The following CHD5 variants were observed in gnomAD, a reference collection of about 807,000 sequenced individuals.
The protein encoded by CHD5 is chromodomain helicase DNA binding protein 5.
In CHD5, 69 loss-of-function variants were observed where a neutral mutation model predicts 230.3. The ratio of observed to expected loss-of-function variants is 0.30; its 90% confidence interval spans 0.25 to 0.37. The LOEUF (loss-of-function observed/expected upper bound fraction) is 0.37, where lower values mean the gene tolerates loss of function less well. Among genes scored for constraint, CHD5 ranks in the 10% least tolerant of loss-of-function variants. The pLI is 1.00. For synonymous variants in CHD5, 1,064 were observed against 1,065.9 expected (o/e 1.00, Z 0.03); for missense variants, 1,827 against 2,622.8 (o/e 0.70, Z 6.63).
In CHD5 at chr1:6,136,734, C is replaced by G. The variant is rs1666752195; in HGVS notation, c.2568G>C (p.Gln856His). The G allele has an allele frequency of 6.2e-7, 1 of 1,611,978 alleles. No individual in the cohort carries two copies. The highest frequency in any genetic ancestry group is 8.5e-7 in the Non-Finnish European group (1 of 1,178,638). The change falls in exon 16 of 42, where the codon CAG becomes CAC. Residue 856 changes from glutamine (Q) to histidine (H), a missense_variant. Coordinates refer to ENST00000262450, the MANE Select transcript of CHD5 (RefSeq NM_015557.3). Reference sequence around the variant, plus strand: ...GGCGGCCAGCGCCACCTACCTTGGACTGGTTGTTCTTGAGGCGGTGGGCCT... The same window carrying G: ...GGCGGCCAGCGCCACCTACCTTGGAGTGGTTGTTCTTGAGGCGGTGGGCCT... ...VDEAHRLKNN[Q>H]SKFFRVLNSY...
intron 1 of CHD5, among the ~76,000 whole-genome samples, chr1:6,173,228 C>A (rs2100886970): frequency 6.6e-6 from 1 of 151,980 alleles, no homozygotes; most frequent in African/African-American, 2.4e-5. Flanking sequence ...CCTCAGCCTC[C>A]CAAGTAGCTG....
chr1:6,107,793 TGAAGGGATGATGGAGG>T (rs1457365559), intron 38 of CHD5, among the ~76,000 whole-genome samples: 11 of 78,200 alleles, frequency 1.4e-4, no homozygotes, highest in East Asian at 1.1e-3. Context: ...GATGGAAGAA[TGAAGGGATGATGGAGG>T]AATAATGGAG....
Position 6,146,597 on chromosome 1 carries a change from C to G in CHD5, c.1590+68G>C, listed in dbSNP as rs554216199. The G allele has an allele frequency of 4.5e-6, 7 of 1,544,644 alleles. No individual in the cohort carries two copies. In the South Asian group the frequency reaches 7.8e-5, roughly 17 times the overall value. On this transcript the variant is annotated intron_variant, in intron 10 of 41. Coordinates refer to ENST00000262450, the MANE Select transcript of CHD5 (RefSeq NM_015557.3). The surrounding 1 kb of genome is among the most constrained non-coding windows in gnomAD (Gnocchi z 5.1). ...TCAGAGGCGCTTCAGCCCCTTCCCGCCAGCCCAGGAGGGTCCAGGGCTCAC... is the reference window on the plus strand; with the variant it reads ...TCAGAGGCGCTTCAGCCCCTTCCCGGCAGCCCAGGAGGGTCCAGGGCTCAC...
chr1:6,156,467 C>T lies in CHD5; in HGVS notation c.388-750G>A, dbSNP rs544281523. Among the ~76,000 whole-genome samples, 162 of 145,700 alleles carry T rather than the reference C, an allele frequency of 1.1e-3. 7 individuals are homozygous for T. In the South Asian group the frequency reaches 0.032, roughly 29 times the overall value. ...AGGAGAATCACTTGAACTCGGGAGACGGAGGTTGCAGTGAGCCGAGATGGC... is the reference window on the plus strand; with the variant it reads ...AGGAGAATCACTTGAACTCGGGAGATGGAGGTTGCAGTGAGCCGAGATGGC... On this transcript the variant is annotated intron_variant, in intron 3 of 41. Transcript: ENST00000262450.
intron 9 of CHD5, among the ~76,000 whole-genome samples, chr1:6,147,993 G>GCC (rs1557553278): frequency 6.6e-6 from 1 of 151,744 alleles, no homozygotes; most frequent in East Asian, 1.9e-4. Flanking sequence ...CCCCACTCCT[G>GCC]CCCCCCTCCC....
rs1030853603 is a variant in CHD5, at chr1:6,104,878, G to A, written c.*596C>T. 7.0e-5 allele frequency: 11 copies of A among 156,382 alleles called. No homozygotes were observed. The highest frequency in any genetic ancestry group is 2.2e-4 in the African/African-American group (9 of 41,498). 9.7% of individuals were successfully genotyped at this position (156,382 alleles called of 1,614,324 possible). ...GACAGCGGCTCCCCAAACCTGCCCT[G>A]TCTGGTGCTGGGAGGCTCCAAGCGG... On this transcript the variant is annotated 3_prime_UTR_variant, in exon 42 of 42. Transcript: ENST00000262450.
intron 13 of CHD5, among the ~76,000 whole-genome samples, chr1:6,143,431 T>C (rs111955433): frequency 1.1e-4 from 16 of 152,108 alleles, no homozygotes; most frequent in African/African-American, 2.4e-4. Context: ...AGGCGCCTGA[T>C]AGTCCCAGGC....
At chr1:6,138,114 G>A (rs897630973) in intron 15 of CHD5, among the ~76,000 whole-genome samples, 4 of 152,176 alleles carry the variant, frequency 2.6e-5, no homozygotes, top group Admixed American at 2.0e-4. Context: ...AGTGGCTCCC[G>A]CCTATAATCC....
chr1:6,175,306 AATGG>A (rs2100889571), intron 1 of CHD5, among the ~76,000 whole-genome samples: 3 of 124,492 alleles, frequency 2.4e-5, no homozygotes, highest in East Asian at 2.8e-4. Context: ...TGGATGAATG[AATGG>A]ATGGTGGATG....
At chr1:6,111,701 C>T in intron 36 of CHD5, 74 bp downstream of exon 36, 1 of 1,153,644 alleles carries the variant, frequency 8.7e-7, no homozygotes, top group Non-Finnish European at 1.3e-6. Flanking sequence ...TCCCCCGGAG[C>T]TCTCAGAGGG....
In CHD5 at chr1:6,128,071, T is replaced by C; in HGVS notation, c.3878A>G (p.Tyr1293Cys). ...EYLSSFKVAQ[Y>C]VVREEDGVEE... is the part of the protein sequence containing the mutation. ...CACGCCGTCCTCCTCGCGCACCACG[T>C]ACTGCGCCACCTTGAAGGAGCTCAG... The change falls in exon 25 of 42, where the codon TAC becomes TGC. Residue 1293 changes from tyrosine (Y) to cysteine (C), a missense_variant. By Grantham distance (194) the Tyr-to-Cys change is radical. Coordinates refer to ENST00000262450, the MANE Select transcript of CHD5 (RefSeq NM_015557.3). The surrounding 1 kb of genome is among the most constrained non-coding windows in gnomAD (Gnocchi z 7.8). 1 of 1,612,410 alleles carries C rather than the reference T, an allele frequency of 6.2e-7. No homozygotes were observed. Among genetic ancestry groups the C allele is most frequent in the Non-Finnish European group, 8.5e-7 (1 of 1,179,412 alleles).
chr1:6,155,981 C>T lies in CHD5; in HGVS notation c.388-264G>A, dbSNP rs1317087969. Among the ~76,000 whole-genome samples, 1 of 152,188 alleles carries T rather than the reference C, an allele frequency of 6.6e-6. No homozygotes were observed. The highest frequency in any genetic ancestry group is 1.5e-5 in the Non-Finnish European group (1 of 68,040). On this transcript the variant is annotated intron_variant, in intron 3 of 41. Coordinates refer to ENST00000262450, the MANE Select transcript of CHD5 (RefSeq NM_015557.3). The surrounding 1 kb of genome is among the most constrained non-coding windows in gnomAD (Gnocchi z 4.0). ...TTCGACGTCAGGGTTTGGGGAGAGGCCATGTGTGTGCCCTGAACTTCCAGA... is the reference window on the plus strand; with the variant it reads ...TTCGACGTCAGGGTTTGGGGAGAGGTCATGTGTGTGCCCTGAACTTCCAGA...
chr1:6,175,883 T>C (rs1667419825), intron 1 of CHD5, among the ~76,000 whole-genome samples: 1 of 151,500 alleles, frequency 6.6e-6, no homozygotes, highest in South Asian at 2.1e-4. Context: ...CATGGATGAA[T>C]AGTGGATAGG....
Position 6,146,114 on chromosome 1 carries a change from G to T in CHD5, c.1802+98C>A. On this transcript the variant is annotated intron_variant, in intron 11 of 41. Coordinates refer to ENST00000262450, the MANE Select transcript of CHD5 (RefSeq NM_015557.3). This position sits in a 1 kb window ranked among gnomAD's most constrained non-coding sequence, Gnocchi z 5.1. Reference sequence around the variant, plus strand: ...GTTCTGCACGGCAGCCCCAAAGCAAGGGCCCTGGCACCCTGCGCTGCACCC... The same window carrying T: ...GTTCTGCACGGCAGCCCCAAAGCAATGGCCCTGGCACCCTGCGCTGCACCC... 5 of 1,214,798 alleles carry T rather than the reference G, an allele frequency of 4.1e-6. No individual in the cohort carries two copies. Among genetic ancestry groups the T allele is most frequent in the Non-Finnish European group, 5.8e-6 (5 of 855,412 alleles). The allele number at this position is 1,214,798 out of a possible 1,614,324, so 75.3% of individuals were successfully genotyped here. A position where few individuals can be genotyped will look rare whatever the true frequency, so the allele number is the denominator to read the frequency against.
chr1:6,134,585 C>T lies in CHD5; in HGVS notation c.3012+133G>A. ...CTTCCATGATGGCCAGGGAAACCTA[C>T]CATGACAGCCACAGAAATCGCCACA... On this transcript the variant is annotated intron_variant, in intron 19 of 41. Coordinates refer to ENST00000262450, the MANE Select transcript of CHD5 (RefSeq NM_015557.3). The surrounding 1 kb of genome is among the most constrained non-coding windows in gnomAD (Gnocchi z 6.3). 1 of 1,022,198 alleles carries T rather than the reference C, an allele frequency of 9.8e-7. No homozygotes were observed. Among genetic ancestry groups the T allele is most frequent in the South Asian group, 1.4e-5 (1 of 69,140 alleles). The allele number at this position is 1,022,198 out of a possible 1,614,324, so 63.3% of individuals were successfully genotyped here. A position where few individuals can be genotyped will look rare whatever the true frequency, so the allele number is the denominator to read the frequency against.
rs148884873 is a variant in CHD5 at position 6,148,424 on chromosome 1, C to A, written c.1383+430G>T. On this transcript the variant is annotated intron_variant, in intron 9 of 41. Transcript: ENST00000262450. ...CCTGAATTTGAGTGGATAGTTCTGCCCTTGTGTGGCCTTAGGCAGGTCACT... is the reference window on the plus strand; with the variant it reads ...CCTGAATTTGAGTGGATAGTTCTGCACTTGTGTGGCCTTAGGCAGGTCACT... Among the ~76,000 whole-genome samples the A allele has an allele frequency of 4.0e-3, 604 of 152,314 alleles. 2 individuals carry two copies. Among genetic ancestry groups the A allele is most frequent in the African/African-American group, 0.014 (585 of 41,560 alleles).
Position 6,167,663 on chromosome 1 carries a change from G to A in CHD5, c.207+487C>T, listed in dbSNP as rs1667275956. Reference sequence around the variant, plus strand: ...CACACCCTGCCAACCCAAGGCAGCGGAGCATGCGGCAGCCTCGCCCATCCA... The same window carrying A: ...CACACCCTGCCAACCCAAGGCAGCGAAGCATGCGGCAGCCTCGCCCATCCA... On this transcript the variant is annotated intron_variant, in intron 2 of 41. Transcript: ENST00000262450. The surrounding 1 kb of genome is among the most constrained non-coding windows in gnomAD (Gnocchi z 4.5). 6.6e-6 allele frequency among the ~76,000 whole-genome samples: 1 copy of A among 152,194 alleles called. No individual in the cohort carries two copies. Among genetic ancestry groups the A allele is most frequent in the Admixed American group, 6.5e-5 (1 of 15,282 alleles).
rs115365176 is a variant in CHD5, at chr1:6,112,153, G to A, written c.5127C>T (p.Asp1709=). ...GKFKFMFNIA[D]GGFTELHTLW... is the part of the protein sequence containing the mutation. ...CAACCCCAATACCCGTGAAGCCCCC[G>A]TCCGCGATGTTGAACATGAACTTGA... The change falls in exon 35 of 42, where the codon GAC becomes GAT. Residue 1709 remains aspartate, a synonymous_variant. Coordinates refer to ENST00000262450, the MANE Select transcript of CHD5 (RefSeq NM_015557.3). 497 of 1,613,812 alleles carry A rather than the reference G, an allele frequency of 3.1e-4. No homozygotes were observed. In the African/African-American group the frequency reaches 5.3e-3, roughly 17 times the overall value.
At chr1:6,149,153 G>A in intron 8 of CHD5, 78 bp from the exon 9 acceptor site, 1 of 1,466,810 alleles carries the variant, frequency 6.8e-7, no homozygotes, top group Non-Finnish European at 9.1e-7. Flanking sequence ...CTCCCCTACA[G>A]CATCTCCCCG....
Sources: allele counts gnomAD v4.1 joint callset (sites outside exome capture counted in the v4.1 genomes callset), GRCh38; gene constraint gnomAD v4.1.1; non-coding constraint Gnocchi (gnomAD v3.1); transcripts MANE v1.5; gene names NCBI Gene and HGNC (gene_info 2026-07-23, HGNC 2026-07-21).